The following CNOT2 variants were observed in gnomAD, a reference collection of about 807,000 sequenced individuals.
The protein encoded by CNOT2 is CCR4-NOT transcription complex subunit 2, also known as CC chemokine receptor 4-negative regulator of transcription 2.
A neutral mutation model predicts 72.1 loss-of-function variants in CNOT2; 7 were observed. The observed-to-expected ratio is 0.10, with a 90% CI of 0.06 to 0.18. The LOEUF (loss-of-function observed/expected upper bound fraction) is 0.18, where lower values mean the gene tolerates loss of function less well. Ranked by LOEUF, CNOT2 falls within the 10% of genes least tolerant of loss-of-function variation. CNOT2 has a pLI of 1.00. For synonymous variants in CNOT2, 196 were observed against 225.6 expected, an observed-to-expected ratio of 0.87 and a Z score of 1.17; for missense variants, 345 against 660.3, an observed-to-expected ratio of 0.52 and a Z score of 5.23.
chr12:70,334,569 G>A (rs184587769), intron 7 of CNOT2: 9 of 152,084 alleles, frequency 5.9e-5, no homozygotes, highest in East Asian at 5.8e-4. Flanking sequence ...AAGCTATAGC[G>A]CAGGCTAAAA....
intron 1 of CNOT2, among the ~76,000 whole-genome samples, chr12:70,267,075 A>T (rs932800779): frequency 1.3e-5 from 2 of 149,842 alleles, no homozygotes; most frequent in South Asian, 4.2e-4. Flanking sequence ...TTCTTTGTGT[A>T]TTTTTTTTTA....
chr12:70,258,051 T>G (rs1171680923), intron 1 of CNOT2, among the ~76,000 whole-genome samples: 1 of 152,224 alleles, frequency 6.6e-6, no homozygotes, highest in Non-Finnish European at 1.5e-5. Flanking sequence ...ATTTTTTGGC[T>G]TTTTCTCTGA....
At chr12:70,332,916 A>T (rs1320120335) in intron 7 of CNOT2, 70 bp downstream of exon 7, 4 of 1,451,944 alleles carry the variant, frequency 2.8e-6, no homozygotes, top group Non-Finnish European at 9.1e-7. Flanking sequence ...GCAATTCAAC[A>T]TACTGGTCTT....
chr12:70,318,858 T>C (rs142562460), intron 3 of CNOT2, among the ~76,000 whole-genome samples: 357 of 151,876 alleles, frequency 2.4e-3, no homozygotes, highest in Non-Finnish European at 4.2e-3. Flanking sequence ...TGAGGATATA[T>C]ATAATGAATG....
chr12:70,283,768 T>TA (rs1870339279), intron 2 of CNOT2, among the ~76,000 whole-genome samples: 1 of 151,734 alleles, frequency 6.6e-6, no homozygotes, highest in Admixed American at 6.6e-5. Context: ...TAGCCAGAGA[T>TA]AAAGTAAAGG....
At chr12:70,289,010 TC>T (rs1871398984) in intron 2 of CNOT2, among the ~76,000 whole-genome samples, 1 of 152,008 alleles carries the variant, frequency 6.6e-6, no homozygotes, top group African/African-American at 2.4e-5. Flanking sequence ...TTCTCTCCTT[TC>T]GCTTTTTTTT....
intron 12 of CNOT2, 33 bp downstream of exon 12, chr12:70,342,201 A>G (rs1881601742): frequency 6.2e-7 from 1 of 1,612,980 alleles, no homozygotes; most frequent in East Asian, 2.2e-5. Context: ...AGACCTTTTA[A>G]AAAGAAATTT....
intron 2 of CNOT2, among the ~76,000 whole-genome samples, chr12:70,306,356 G>A (rs918838994): frequency 3.3e-5 from 5 of 151,926 alleles, no homozygotes; most frequent in Admixed American, 2.6e-4. Flanking sequence ...AGGGTTTCAC[G>A]TTGTTGGCCA....
chr12:70,312,002 T>C (rs1876549709), intron 3 of CNOT2, among the ~76,000 whole-genome samples: 1 of 152,032 alleles, frequency 6.6e-6, no homozygotes, highest in Non-Finnish European at 1.5e-5. Context: ...ATGTTTGTTA[T>C]TCTGTTTTTG....
Position 70,335,526 on chromosome 12 carries a change from T to C in CNOT2, c.738T>C (p.Thr246=), listed in dbSNP as rs1354998519. Residue 246 remains threonine, a synonymous_variant, in exon 8 of 16, where the codon ACT becomes ACC. Coordinates refer to ENST00000229195, the MANE Select transcript of CNOT2 (RefSeq NM_014515.7). ...RNRREGSGNP[T]PLINPLAGRA... is the part of the protein sequence containing the mutation. ...GGAGGGAAGGAAGTGGTAACCCAAC[T>C]CCATTAATAAACCCCTTGGCTGGAA... 3 of 1,609,704 alleles carry C rather than the reference T, an allele frequency of 1.9e-6. No individual in the cohort carries two copies. The highest frequency in any genetic ancestry group is 2.6e-6 in the Non-Finnish European group (3 of 1,176,438).
chr12:70,338,861 C>G (rs1354485903), intron 11 of CNOT2, 39 bp downstream of exon 11: 18 of 1,517,836 alleles, frequency 1.2e-5, no homozygotes, highest in African/African-American at 4.2e-5. Flanking sequence ...TATATAATAC[C>G]TCTTCAGACT....
chr12:70,297,546 A>G (rs11178178), intron 2 of CNOT2, among the ~76,000 whole-genome samples: 2,050 of 152,286 alleles, frequency 0.013, 43 homozygotes, highest in African/African-American at 0.046. Context: ...TAATGCTATA[A>G]TGTCTACATT....
chr12:70,286,694 G>C (rs370281025), intron 2 of CNOT2, among the ~76,000 whole-genome samples: 1 of 149,858 alleles, frequency 6.7e-6, no homozygotes, highest in African/African-American at 2.4e-5. Flanking sequence ...CTTCATAAGA[G>C]TCTTGACTTG....
intron 13 of CNOT2, among the ~76,000 whole-genome samples, chr12:70,343,537 G>T (rs1881773744): frequency 6.6e-6 from 1 of 152,154 alleles, no homozygotes; most frequent in Non-Finnish European, 1.5e-5. Context: ...TCTGTGATTT[G>T]CTGAAAGCAT....
intron 15 of CNOT2, among the ~76,000 whole-genome samples, chr12:70,349,840 AAGAG>A (rs1327171050): frequency 3.3e-5 from 5 of 151,190 alleles, no homozygotes; most frequent in African/African-American, 1.2e-4. Flanking sequence ...TCTCTATAGA[AAGAG>A]AGAGAGAGAG....
intron 15 of CNOT2, among the ~76,000 whole-genome samples, chr12:70,348,603 A>T (rs1165891640): frequency 5.9e-5 from 9 of 152,130 alleles, no homozygotes; most frequent in Admixed American, 6.5e-5. Flanking sequence ...ATATGTAAAA[A>T]GGGGTGGATA....
intron 1 of CNOT2, among the ~76,000 whole-genome samples, chr12:70,247,476 A>G (rs528772895): frequency 1.3e-5 from 2 of 152,150 alleles, no homozygotes; most frequent in East Asian, 3.9e-4. Context: ...ATTCATGTGT[A>G]TGTTATTGCA....
At chr12:70,278,315 A>G in intron 2 of CNOT2, 41 bp downstream of exon 2, 1 of 1,396,048 alleles carries the variant, frequency 7.2e-7, no homozygotes, top group South Asian at 1.2e-5. Flanking sequence ...TTGGTCTTAT[A>G]GCTACATTGA....
intron 4 of CNOT2, among the ~76,000 whole-genome samples, chr12:70,326,357 C>T (rs1302715818): frequency 6.6e-6 from 1 of 151,790 alleles, no homozygotes; most frequent in South Asian, 2.1e-4. Context: ...TCCTTCCAGT[C>T]ACCTGCTCAT....
Sources: gnomAD v4.1 joint callset for allele counts (sites outside exome capture counted in the v4.1 genomes callset) on GRCh38, gnomAD v4.1.1 for gene constraint, MANE v1.5 for transcripts, NCBI Gene and HGNC (gene_info 2026-07-23, HGNC 2026-07-21) for gene names.